The following EYA1 variants were observed in gnomAD, a reference collection of about 807,000 sequenced individuals.
The protein encoded by EYA1 is EYA transcriptional coactivator and phosphatase 1.
A neutral mutation model predicts 82.0 loss-of-function variants in EYA1; 16 were observed. The ratio of observed to expected loss-of-function variants is 0.20; its 90% CI spans 0.13 to 0.30. EYA1 has a LOEUF of 0.30. EYA1 is among the 10% of genes least tolerant of loss of function. EYA1 has a pLI of 1.00. For missense variants in EYA1, 633 were observed against 730.7 expected, an observed-to-expected ratio of 0.87 and a Z score of 1.54; for synonymous variants, 261 against 264.4, an observed-to-expected ratio of 0.99 and a Z score of 0.12.
intron 12 of EYA1, among the ~76,000 whole-genome samples, chr8:71,236,234 C>T (rs1811817057): frequency 6.6e-6 from 1 of 152,094 alleles, no homozygotes; most frequent in Non-Finnish European, 1.5e-5. Context: ...TGGGGTTTCA[C>T]CGTGTTGGTC....
At chr8:71,448,517 G>A (rs1041149215) in intron 2 of EYA1, among the ~76,000 whole-genome samples, 2 of 152,070 alleles carry the variant, frequency 1.3e-5, no homozygotes, top group Non-Finnish European at 2.9e-5. Context: ...CTTACCCATG[G>A]AGGGCTGGAA....
At chr8:71,299,795 A>G in intron 7 of EYA1, 75 bp from the exon 8 acceptor site, 1 of 822,292 alleles carries the variant, frequency 1.2e-6, no homozygotes, top group South Asian at 1.3e-5. Flanking sequence ...TAGCATTTAG[A>G]AAAGGCAGAA....
At chr8:71,450,734 A>T (rs938155286) in intron 2 of EYA1, among the ~76,000 whole-genome samples, 2 of 152,242 alleles carry the variant, frequency 1.3e-5, no homozygotes, top group African/African-American at 2.4e-5. Flanking sequence ...AAGCAGGTGC[A>T]ATAAAATGAG....
intron 3 of EYA1, among the ~76,000 whole-genome samples, chr8:71,353,644 TCC>T (rs1045045207): frequency 1.3e-5 from 2 of 152,230 alleles, no homozygotes; most frequent in African/African-American, 2.4e-5. Context: ...TTTATATCTT[TCC>T]TATTATTAAA....
intron 2 of EYA1, among the ~76,000 whole-genome samples, chr8:71,385,899 A>G (rs565718706): frequency 6.6e-6 from 1 of 152,192 alleles, no homozygotes; most frequent in African/African-American, 2.4e-5. Flanking sequence ...GTTCAAAGCC[A>G]TGAGTGGTGT....
At chr8:71,233,975 G>A (rs575814543) in intron 12 of EYA1, among the ~76,000 whole-genome samples, 2 of 152,128 alleles carry the variant, frequency 1.3e-5, no homozygotes, top group Non-Finnish European at 2.9e-5. Context: ...TTTCCCAGTG[G>A]GGGGTAGACC....
intron 2 of EYA1, among the ~76,000 whole-genome samples, chr8:71,374,589 T>C (rs1828261728): frequency 6.6e-6 from 1 of 152,100 alleles, no homozygotes; most frequent in Admixed American, 6.5e-5. Flanking sequence ...CCTCAGAAAA[T>C]TAAAAATAGG....
chr8:71,291,732 A>G (rs997745682), intron 9 of EYA1, among the ~76,000 whole-genome samples: 1 of 152,168 alleles, frequency 6.6e-6, no homozygotes. Context: ...AACATTCTTG[A>G]TTAACTTAAT....
At position 71,292,545 on chromosome 8, in the gene EYA1, C is replaced by T. The variant is rs1283870667; in HGVS notation, c.826+6502G>A. ...GGAATACCCTTCTACTCATAAATTA[C>T]ACATATCTTCTAATAAGAGAAAGCC... is the stretch of plus-strand genomic sequence containing the variant. On this transcript the variant is annotated intron_variant, in intron 9 of 17. Transcript: ENST00000340726. 2.0e-5 allele frequency among the ~76,000 whole-genome samples: 3 copies of T among 152,060 alleles called. No homozygotes were observed. The East Asian group carries it at 5.8e-4, about 29-fold the overall frequency.
chr8:71,328,489 C>T (rs115148228), intron 4 of EYA1, among the ~76,000 whole-genome samples: 280 of 152,284 alleles, frequency 1.8e-3, no homozygotes, highest in African/African-American at 6.4e-3. Flanking sequence ...TCAGCCTCTC[C>T]ACCACCTACC....
At chr8:71,363,145 G>C (rs1336344543), upstream of EYA1, among the ~76,000 whole-genome samples, 3 of 149,132 alleles carry the variant, frequency 2.0e-5, no homozygotes, top group African/African-American at 4.9e-5. Context: ...TTTATTTAAG[G>C]AAAAAAAAAG....
chr8:71,405,044 G>A (rs891379119), intron 2 of EYA1: 4 of 151,802 alleles, frequency 2.6e-5, no homozygotes, highest in African/African-American at 9.7e-5. Context: ...TCTACTCTAG[G>A]ATACCTGAAT....
At chr8:71,389,516 G>A (rs975892589) in intron 2 of EYA1, among the ~76,000 whole-genome samples, 10 of 152,150 alleles carry the variant, frequency 6.6e-5, no homozygotes, top group Admixed American at 6.5e-4. Context: ...TGGCAAAGCA[G>A]ATTCTTTATT....
At chr8:71,233,433 G>A (rs192772986) in intron 12 of EYA1, among the ~76,000 whole-genome samples, 2,598 of 152,026 alleles carry the variant, frequency 0.017, 67 homozygotes, top group African/African-American at 0.058. Context: ...GCGTGGTGGT[G>A]GGCGCCTGTA....
intron 2 of EYA1, among the ~76,000 whole-genome samples, chr8:71,431,067 G>A (rs572585057): frequency 7.9e-5 from 12 of 152,264 alleles, no homozygotes; most frequent in African/African-American, 1.7e-4. Flanking sequence ...GTCCTAGACC[G>A]TAATGTCTTA....
intron 2 of EYA1, among the ~76,000 whole-genome samples, chr8:71,459,077 C>T (rs1379645295): frequency 6.6e-6 from 1 of 152,088 alleles, no homozygotes; most frequent in East Asian, 1.9e-4. Flanking sequence ...CACATTGGCT[C>T]ACAAGTTTCT....
intron 2 of EYA1, among the ~76,000 whole-genome samples, chr8:71,503,363 C>T (rs1424489693): frequency 6.6e-6 from 1 of 151,980 alleles, no homozygotes; most frequent in Non-Finnish European, 1.5e-5. Flanking sequence ...GTCCCAGTTA[C>T]TCGGGAGGCT....
intron 17 of EYA1, among the ~76,000 whole-genome samples, chr8:71,210,425 G>T (rs1359140889): frequency 6.6e-6 from 1 of 152,150 alleles, no homozygotes; most frequent in African/African-American, 2.4e-5. Context: ...GGTACAGGAG[G>T]GAGACAGATC....
At chr8:71,401,364 T>C (rs1829948360) in intron 2 of EYA1, among the ~76,000 whole-genome samples, 1 of 152,246 alleles carries the variant, frequency 6.6e-6, no homozygotes, top group African/African-American at 2.4e-5. Flanking sequence ...TTCAATTTTA[T>C]TCTTTCATTT....
Sources: gnomAD v4.1 joint callset for allele counts (sites outside exome capture counted in the v4.1 genomes callset) on GRCh38, gnomAD v4.1.1 for gene constraint, MANE v1.5 for transcripts, NCBI Gene and HGNC (gene_info 2026-07-23, HGNC 2026-07-21) for gene names.